Variants in EPHA1 observed in about 807,000 individuals in gnomAD.
EPHA1 encodes ephrin type-A receptor 1.
A neutral mutation model predicts 110.1 loss-of-function variants in EPHA1; 92 were observed. The ratio of observed to expected loss-of-function variants is 0.84; its 90% confidence interval spans 0.71 to 0.99. The LOEUF (loss-of-function observed/expected upper bound fraction) is 0.99. Ranked by LOEUF, EPHA1 falls within the 50% of genes least tolerant of loss-of-function variation. The probability of loss-of-function intolerance (pLI) is 0.00; values close to 1 mark genes in which losing one functional copy is unlikely to be tolerated. For synonymous variants in EPHA1, 500 were observed against 516.1 expected (o/e 0.97, Z 0.42); for missense variants, 1,204 against 1,285.4 (o/e 0.94, Z 0.97).
Position 143,395,170 on chromosome 7 carries a change from A to G in EPHA1, c.2096T>C (p.Met699Thr), listed in dbSNP as rs752053540. ...EGVVTKRKPI[M>T]IITEFMENGA... ...ATTCTCCATAAATTCTGTGATGATC[A>G]TGATCGGCTTTCCTGAGACACAGAC... The change falls in exon 13 of 18, where the codon ATG becomes ACG. Residue 699 changes from methionine (M) to threonine (T), a missense_variant. Transcript: ENST00000275815. This position sits in a 1 kb window ranked among gnomAD's most constrained non-coding sequence, Gnocchi z 4.7. 3 of 1,613,704 alleles carry G rather than the reference A, an allele frequency of 1.9e-6. No individual in the cohort carries two copies. In the Admixed American group the frequency reaches 5.0e-5, roughly 27 times the overall value.
intron 2 of EPHA1, among the ~76,000 whole-genome samples, chr7:143,406,260 C>T (rs903435226): frequency 1.2e-4 from 19 of 152,078 alleles, no homozygotes; most frequent in Non-Finnish European, 2.1e-4. Context: ...GAAGGTTGAG[C>T]TGATAACCAG....
At position 143,397,546 on chromosome 7, in the gene EPHA1, G is replaced by T. The variant is rs775349109; in HGVS notation, c.1712+15C>A. ...ACCCAGGGCTGGTGGTTGGGGAGGG[G>T]GCAGGAGCTGGCACCTGGACCGGAA... On this transcript the variant is annotated intron_variant, in intron 9 of 17. Transcript: ENST00000275815. 1.9e-6 allele frequency: 3 copies of T among 1,613,146 alleles called. No individual in the cohort carries two copies. The highest frequency in any genetic ancestry group is 2.2e-5 in the South Asian group (2 of 91,052).
chr7:143,407,783 T>A (rs1805597085), intron 1 of EPHA1, 105 bp from the exon 2 acceptor site: 3 of 1,012,764 alleles, frequency 3.0e-6, no homozygotes, highest in Non-Finnish European at 4.4e-6. Context: ...AACATCCTGT[T>A]CCTAAAAGCT....
chr7:143,396,433 G>A lies in EPHA1; in HGVS notation c.1849C>T (p.Arg617Trp), dbSNP rs200018558. ...ATCAGCCACGCTGGATCAAGCTCCC[G>A]GGTAAAGTCCAGGGCTCCCTGTGCA... The part of the protein sequence containing the change: ...DPAQGALDFT[R>W]ELDPAWLMVD... Residue 617 changes from arginine to tryptophan, a missense_variant, in exon 11 of 18, where the codon CGG becomes TGG. Physicochemically the swap from Arg to Trp is moderately radical, Grantham distance 101. Coordinates refer to ENST00000275815, the MANE Select transcript of EPHA1 (RefSeq NM_005232.5). 27 of 1,613,776 alleles carry A rather than the reference G, an allele frequency of 1.7e-5. No individual in the cohort carries two copies. The East Asian group carries it at 1.8e-4, about 11-fold the overall frequency.
At chr7:143,405,221 G>A (rs1029644147) in intron 2 of EPHA1, among the ~76,000 whole-genome samples, 4 of 152,072 alleles carry the variant, frequency 2.6e-5, no homozygotes, top group South Asian at 2.1e-4. Flanking sequence ...AGTGGTTAAC[G>A]TGCAGCTCAT....
chr7:143,398,554 C>T (rs1329388424), intron 6 of EPHA1, 47 bp downstream of exon 6: 16 of 1,606,632 alleles, frequency 1.0e-5, no homozygotes, highest in Non-Finnish European at 1.4e-5. Context: ...GTCTTAAGCC[C>T]TTCTGTCTCC....
At position 143,397,335 on chromosome 7, in the gene EPHA1, C is replaced by T. The variant is rs1316547614; in HGVS notation, c.1740G>A (p.Arg580=). ...CCACATCGGTGGCGCGGTCACGCTGCCTCTGCTGCCTCTGCCGCTGGGCTC... is the reference window on the plus strand; with the variant it reads ...CCACATCGGTGGCGCGGTCACGCTGTCTCTGCTGCCTCTGCCGCTGGGCTC... ...SRRAQRQRQQ[R]QRDRATDVDR... is the part of the protein sequence containing the mutation. Residue 580 remains arginine, a synonymous_variant, in exon 10 of 18, where the codon AGG becomes AGA. Transcript: ENST00000275815. 1 of 1,549,760 alleles carries T rather than the reference C, an allele frequency of 6.5e-7. No homozygotes were observed. Among genetic ancestry groups the T allele is most frequent in the South Asian group, 1.2e-5 (1 of 84,020 alleles).
At chr7:143,394,784 A>C in intron 14 of EPHA1, 24 bp downstream of exon 14, 2 of 1,613,346 alleles carry the variant, frequency 1.2e-6, no homozygotes, top group Non-Finnish European at 1.7e-6. Flanking sequence ...GTGAATGTGC[A>C]CTGGGTTTGT....
At chr7:143,398,504 T>C in intron 6 of EPHA1, 56 bp from the exon 7 acceptor site, 1 of 1,611,416 alleles carries the variant, frequency 6.2e-7, no homozygotes, top group Non-Finnish European at 8.5e-7. Context: ...ATAACCTTAG[T>C]AACTTTTCTA....
In EPHA1 at chr7:143,395,554, C is replaced by T. The variant is rs546675279; in HGVS notation, c.1898-50G>A. ...GGCCCGATGCACTGCAGGGCTCCTC[C>T]AGGGGACAGGCAGCAACCCCTCCAG... On this transcript the variant is annotated intron_variant, in intron 11 of 17. Transcript: ENST00000275815. This position sits in a 1 kb window ranked among gnomAD's most constrained non-coding sequence, Gnocchi z 4.7. 12 of 1,592,508 alleles carry T rather than the reference C, an allele frequency of 7.5e-6. No homozygotes were observed. The Admixed American group carries it at 1.0e-4, about 14-fold the overall frequency.
At chr7:143,397,513 G>A (rs776282653) in intron 9 of EPHA1, 48 bp downstream of exon 9, 1 of 1,607,194 alleles carries the variant, frequency 6.2e-7, no homozygotes, top group Admixed American at 1.7e-5. Context: ...TGCAGTCAGG[G>A]GCTTCTGACC....
In EPHA1 at chr7:143,398,984, G is replaced by A. The variant is rs201545875; in HGVS notation, c.992-39C>T. 1,491 of 1,512,670 alleles carry A rather than the reference G, an allele frequency of 9.9e-4. No individual in the cohort carries two copies. The highest frequency in any genetic ancestry group is 1.2e-3 in the Non-Finnish European group (1,311 of 1,123,218). 93.7% of individuals were successfully genotyped at this position (1,512,670 alleles called of 1,614,324 possible). Reference sequence around the variant, plus strand: ...GGAGCCATCAGTAGAAGCCGACCTCGCTGTCACCCGAGCTGCTGATCCCCG... The same window carrying A: ...GGAGCCATCAGTAGAAGCCGACCTCACTGTCACCCGAGCTGCTGATCCCCG... On this transcript the variant is annotated intron_variant, in intron 5 of 17. Transcript: ENST00000275815.
At position 143,396,589 on chromosome 7, in the gene EPHA1, G is replaced by A. The variant is rs193078001; in HGVS notation, c.1772-79C>T. 1.3e-4 allele frequency: 202 copies of A among 1,539,528 alleles called. No individual in the cohort carries two copies. The African/African-American group carries it at 2.4e-3, about 19-fold the overall frequency. The stretch of plus-strand genomic sequence containing the variant: ...GGGGTCAGGAGAAGGGCCAGCAGCG[G>A]ACCACACACTTCTCCACACCTCCCT... On this transcript the variant is annotated intron_variant, in intron 10 of 17. Coordinates refer to ENST00000275815, the MANE Select transcript of EPHA1 (RefSeq NM_005232.5).
At chr7:143,406,411 C>A (rs1805550006) in intron 2 of EPHA1, among the ~76,000 whole-genome samples, 1 of 152,226 alleles carries the variant, frequency 6.6e-6, no homozygotes. Context: ...ATACCTTGCC[C>A]CATGCAGCTA....
At position 143,391,387 on chromosome 7, in the gene EPHA1, G is replaced by A. The variant is rs1805073521; in HGVS notation, c.*70C>T. On this transcript the variant is annotated 3_prime_UTR_variant, in exon 18 of 18. Coordinates refer to ENST00000275815, the MANE Select transcript of EPHA1 (RefSeq NM_005232.5). ...CAGGTTGTGGGAAGGGGCGCAGGGA[G>A]TGACCATGAGCGACCTTGGCCCCGT... 2 of 1,575,712 alleles carry A rather than the reference G, an allele frequency of 1.3e-6. No individual in the cohort carries two copies. The highest frequency in any genetic ancestry group is 1.7e-6 in the Non-Finnish European group (2 of 1,154,898).
Position 143,399,964 on chromosome 7 carries a change from G to T in EPHA1, c.522C>A (p.Gly174=). The T allele has an allele frequency of 6.2e-7, 1 of 1,613,744 alleles. No individual in the cohort carries two copies. The change falls in exon 4 of 18, where the codon GGC becomes GGA. Residue 174 remains glycine (G), a synonymous_variant. Coordinates refer to ENST00000275815, the MANE Select transcript of EPHA1 (RefSeq NM_005232.5). ...VKLNVERCSL[G]RLTRRGLYLA... ...GGTAGAGGCCACGGCGGGTCAGGCGGCCCAGAGAGCAGCGCTCCACATTCA... is the reference window on the plus strand; with the variant it reads ...GGTAGAGGCCACGGCGGGTCAGGCGTCCCAGAGAGCAGCGCTCCACATTCA...
At position 143,394,994 on chromosome 7, in the gene EPHA1, G is replaced by A. The variant is rs759684433; in HGVS notation, c.2166C>T (p.Val722=). The change falls in exon 14 of 18, where the codon GTC becomes GTT. Residue 722 remains valine, a synonymous_variant. Coordinates refer to ENST00000275815, the MANE Select transcript of EPHA1 (RefSeq NM_005232.5). The part of the protein sequence containing the change: ...AFLREREDQL[V]PGQLVAMLQG... ...GCAGCATGGCCACTAGCTGCCCAGGGACCAGCTGGTCCTCCCGCTCCTGCA... is the reference window on the plus strand; with the variant it reads ...GCAGCATGGCCACTAGCTGCCCAGGAACCAGCTGGTCCTCCCGCTCCTGCA... 1.7e-5 allele frequency: 27 copies of A among 1,614,040 alleles called. No homozygotes were observed. Among genetic ancestry groups the A allele is most frequent in the Non-Finnish European group, 2.2e-5 (26 of 1,180,014 alleles).
chr7:143,397,307 G>C lies in EPHA1; in HGVS notation c.1768C>G (p.Arg590Gly), dbSNP rs776941825. Residue 590 changes from arginine (R) to glycine (G), a missense_variant, in exon 10 of 18, where the codon CGA (arginine) becomes GGA (glycine). Arg to Gly is a moderately radical substitution (Grantham distance 125). Coordinates refer to ENST00000275815, the MANE Select transcript of EPHA1 (RefSeq NM_005232.5). ...CACGCAGGTGCACCCGACTCACCTC[G>C]ATCCACATCGGTGGCGCGGTCACGC... The part of the protein sequence containing the change: ...RQRDRATDVD[R>G]EDKLWLKPYV... The C allele has an allele frequency of 2.6e-6, 4 of 1,549,216 alleles. No homozygotes were observed. The highest frequency in any genetic ancestry group is 3.5e-6 in the Non-Finnish European group (4 of 1,146,596).
In EPHA1 at chr7:143,394,857, A is replaced by G. The variant is rs764971738; in HGVS notation, c.2303T>C (p.Phe768Ser). The change falls in exon 14 of 18, where the codon TTT (phenylalanine) becomes TCT (serine). Residue 768 changes from phenylalanine (F) to serine (S), a missense_variant. Transcript: ENST00000275815. ...GTCATCCAGGAGGCGAGTCAGGCCA[A>G]AGTCAGACACCTTGCAGCACAGGTT... ...NQNLCCKVSD[F>S]GLTRLLDDFD... 1.9e-6 allele frequency: 3 copies of G among 1,614,104 alleles called. No homozygotes were observed. Among genetic ancestry groups the G allele is most frequent in the Non-Finnish European group, 2.5e-6 (3 of 1,180,012 alleles).
Sources: gnomAD v4.1 joint callset for allele counts (sites outside exome capture counted in the v4.1 genomes callset) on GRCh38, gnomAD v4.1.1 for gene constraint, Gnocchi (gnomAD v3.1) non-coding constraint, MANE v1.5 for transcripts, NCBI Gene and HGNC (gene_info 2026-07-23, HGNC 2026-07-21) for gene names.